Variants in GPS2 observed in about 807,000 individuals in gnomAD.
GPS2 encodes the protein G protein pathway suppressor 2.
A neutral mutation model predicts 48.1 loss-of-function variants in GPS2; 22 were observed. The ratio of observed to expected loss-of-function variants is 0.46; its 90% CI spans 0.33 to 0.65. The LOEUF is 0.65. GPS2 is among the 30% of genes least tolerant of loss of function. GPS2 has a pLI of 0.03. For synonymous variants in GPS2, 202 were observed against 142.5 expected (o/e 1.42, Z -2.98); for missense variants, 366 against 406.8 (o/e 0.90, Z 0.86).
In GPS2 at chr17:7,314,258, C is replaced by G. The variant is rs768561673; in HGVS notation, c.317+33G>C. The G allele has an allele frequency of 7.5e-6, 12 of 1,599,860 alleles. No homozygotes were observed. The East Asian group carries it at 2.2e-4, about 30-fold the overall frequency. On this transcript the variant is annotated intron_variant, in intron 4 of 10. Transcript: ENST00000380728. The stretch of plus-strand genomic sequence containing the variant: ...ACTACCTGATCCCAGTTCCACTTGG[C>G]CCCCATTTCAGTTTTTAGCACTCTG...
At position 7,314,571 on chromosome 17, in the gene GPS2, C is replaced by A. The variant is rs1247658570; in HGVS notation, c.121G>T (p.Glu41Ter). ...QEEEEVDKMM[E>*]QKMKEEQERR... is the part of the protein sequence containing the mutation. Reference sequence around the variant, plus strand: ...TCCTGTTCTTCCTTCATCTTCTGTTCCATCATCTTATCCACCTCTTCTTCC... The same window carrying A: ...TCCTGTTCTTCCTTCATCTTCTGTTACATCATCTTATCCACCTCTTCTTCC... The change falls in exon 3 of 11, where the codon GAA becomes TAA. Residue 41 changes from glutamate (E) to a stop codon, truncating the protein, a stop_gained. Transcript: ENST00000380728. LOFTEE classifies it high-confidence loss of function. 6.2e-7 allele frequency: 1 copy of A among 1,613,786 alleles called. No homozygotes were observed. Among genetic ancestry groups the A allele is most frequent in the South Asian group, 1.1e-5 (1 of 91,072 alleles).
In GPS2 at chr17:7,313,710, G is replaced by A. The variant is rs184661596; in HGVS notation, c.492C>T (p.Tyr164=). The A allele has an allele frequency of 1.2e-5, 19 of 1,614,080 alleles. No individual in the cohort carries two copies. The highest frequency in any genetic ancestry group is 4.4e-5 in the South Asian group (4 of 91,066). The change falls in exon 7 of 11, where the codon TAC becomes TAT. Residue 164 remains tyrosine, a synonymous_variant. Coordinates refer to ENST00000380728, the MANE Select transcript of GPS2 (RefSeq NM_004489.5). ...CTGCAAAAGCAGCTGCTGAGCCCAC[G>A]TAGTGCCGGGTCTAAGGAAGGAGAA... ...FGPQVLTTRH[Y]VGSAAAFAGT...
At chr17:7,314,467 A>T in intron 3 of GPS2, 21 bp downstream of exon 3, 1 of 1,614,162 alleles carries the variant, frequency 6.2e-7, no homozygotes. Context: ...CAAAGCTGGG[A>T]AAGTTCAAGG....
Position 7,313,735 on chromosome 17 carries a change from A to AT in GPS2, c.481-15dup, listed in dbSNP as rs771484691. On this transcript the variant is annotated splice_polypyrimidine_tract_variant and intron_variant, in intron 6 of 10. Coordinates refer to ENST00000380728, the MANE Select transcript of GPS2 (RefSeq NM_004489.5). ...GTAGTGCCGGGTCTAAGGAAGGAGA[A>AT]TGAGAACTCGCCTACAAACTCCTTG... 3 of 1,612,850 alleles carry AT rather than the reference A, an allele frequency of 1.9e-6. No homozygotes were observed. The highest frequency in any genetic ancestry group is 2.2e-5 in the East Asian group (1 of 44,868).
At chr17:7,314,622 AGAG>A (rs777943383) in intron 2 of GPS2, 25 bp from the exon 3 acceptor site, 7 of 1,613,926 alleles carry the variant, frequency 4.3e-6, no homozygotes, top group Non-Finnish European at 5.9e-6. Flanking sequence ...AGAATGAAGA[AGAG>A]GCAGGGTAGT....
chr17:7,313,797 C>T, intron 6 of GPS2, 76 bp from the exon 7 acceptor site: 1 of 1,574,232 alleles, frequency 6.4e-7, no homozygotes, highest in Non-Finnish European at 8.7e-7. Flanking sequence ...TATCTGTATG[C>T]CCCGTTTCCC....
At chr17:7,315,219 G>T in intron 1 of GPS2, 100 bp from the exon 2 acceptor site, 1 of 370,534 alleles carries the variant, frequency 2.7e-6, no homozygotes, top group Non-Finnish European at 4.7e-6. Context: ...CCAGGAGCCC[G>T]CCACCCGGCC....
Position 7,314,338 on chromosome 17 carries a change from G to C in GPS2, c.270C>G (p.Leu90=). 1 of 1,614,040 alleles carries C rather than the reference G, an allele frequency of 6.2e-7. No homozygotes were observed. Among genetic ancestry groups the C allele is most frequent in the South Asian group, 1.1e-5 (1 of 91,084 alleles). ...TTTCTTCCTCATGTAAAACTTTCTT[G>C]AGCTGCAGGAAAAGCTGGTGCTTCT... is the stretch of plus-strand genomic sequence containing the variant. ...QEEKHQLFLQ[L]KKVLHEEEKR... Residue 90 remains leucine, a synonymous_variant, in exon 4 of 11, where the codon CTC becomes CTG. Transcript: ENST00000380728.
At chr17:7,314,225 G>A in intron 4 of GPS2, 66 bp from the exon 5 acceptor site, 1 of 1,591,786 alleles carries the variant, frequency 6.3e-7, no homozygotes, top group South Asian at 1.1e-5. Context: ...TTAAACACTG[G>A]TTCTTTTACT....
chr17:7,314,310 G>A lies in GPS2; in HGVS notation c.298C>T (p.Arg100Trp). 6.2e-7 allele frequency: 1 copy of A among 1,614,104 alleles called. No individual in the cohort carries two copies. The highest frequency in any genetic ancestry group is 8.5e-7 in the Non-Finnish European group (1 of 1,180,022). ...LKKVLHEEEK[R>W]RRKEQSDLTT... ...TCCCACCTCTGTTCCTTTCGCCTCC[G>A]TTTTTCTTCCTCATGTAAAACTTTC... The change falls in exon 4 of 11, where the codon CGG becomes TGG. Residue 100 changes from arginine to tryptophan, a missense_variant. Coordinates refer to ENST00000380728, the MANE Select transcript of GPS2 (RefSeq NM_004489.5).
In GPS2 at chr17:7,314,398, C is replaced by G. The variant is rs534281043; in HGVS notation, c.210G>C (p.Leu70=). Residue 70 remains leucine, a synonymous_variant, in exon 4 of 11, where the codon CTG becomes CTC. Coordinates refer to ENST00000380728, the MANE Select transcript of GPS2 (RefSeq NM_004489.5). ...MSLEETKEQI[L]KLEEKLLALQ... ...GAGCCAAAAGCTTCTCCTCCAACTT[C>G]AGAATCTGGGATGGGGTGGGAAAAG... The G allele has an allele frequency of 6.8e-6, 11 of 1,614,178 alleles. 1 individual carries two copies. The Admixed American group carries it at 1.7e-4, about 24-fold the overall frequency.
intron 2 of GPS2, 126 bp from the exon 3 acceptor site, chr17:7,314,723 CTCCCCA>C (rs2072914885): frequency 6.5e-7 from 1 of 1,536,672 alleles, no homozygotes; most frequent in Admixed American, 1.8e-5. Context: ...AGGGGACAAG[CTCCCCA>C]TCGCGGCAAT....
chr17:7,313,800 C>T lies in GPS2; in HGVS notation c.481-79G>A, dbSNP rs372686575. 23 of 1,576,424 alleles carry T rather than the reference C, an allele frequency of 1.5e-5. No individual in the cohort carries two copies. The African/African-American group carries it at 1.6e-4, about 11-fold the overall frequency. ...GTGACTTGTGTGTATCTGTATGCCC[C>T]GTTTCCCCCTAAACTTAAGTGCTTG... is the stretch of plus-strand genomic sequence containing the variant. On this transcript the variant is annotated intron_variant, in intron 6 of 10. Transcript: ENST00000380728.
chr17:7,312,984 C>T, intron 10 of GPS2, 45 bp downstream of exon 10: 1 of 1,493,460 alleles, frequency 6.7e-7, no homozygotes, highest in Non-Finnish European at 9.1e-7. Context: ...TTTCCGGATC[C>T]CTAGTGTAGG....
At chr17:7,315,232 G>C (rs1341102530) in intron 1 of GPS2, 99 bp downstream of exon 1, 4 of 348,976 alleles carry the variant, frequency 1.1e-5, no homozygotes, top group Non-Finnish European at 1.5e-5. Flanking sequence ...ACCCGGCCGG[G>C]ACCGCAGCCC....
At position 7,314,309 on chromosome 17, in the gene GPS2, C is replaced by A; in HGVS notation, c.299G>T (p.Arg100Leu). ...ATCCCACCTCTGTTCCTTTCGCCTC[C>A]GTTTTTCTTCCTCATGTAAAACTTT... ...LKKVLHEEEK[R>L]RRKEQSDLTT... The change falls in exon 4 of 11, where the codon CGG (arginine) becomes CTG (leucine). Residue 100 changes from arginine to leucine, a missense_variant. Arg to Leu is a moderately radical substitution (Grantham distance 102, BLOSUM62 -2). Transcript: ENST00000380728. The A allele has an allele frequency of 6.2e-7, 1 of 1,614,154 alleles. No homozygotes were observed. The highest frequency in any genetic ancestry group is 8.5e-7 in the Non-Finnish European group (1 of 1,180,008).
At position 7,314,150 on chromosome 17, in the gene GPS2, G is replaced by A. The variant is rs1187818460; in HGVS notation, c.327C>T (p.Thr109=). 1 of 1,613,446 alleles carries A rather than the reference G, an allele frequency of 6.2e-7. No homozygotes were observed. The highest frequency in any genetic ancestry group is 8.5e-7 in the Non-Finnish European group (1 of 1,179,592). ...KRRRKEQSDL[T]TLTSAAYQQS... is the part of the protein sequence containing the mutation. ...GCTGGTATGCAGCTGATGTTAGGGT[G>A]GTCAGGTCACTGGAGTGAAAGGAAG... is the stretch of plus-strand genomic sequence containing the variant. Residue 109 remains threonine, a synonymous_variant, in exon 5 of 11, where the codon ACC becomes ACT. Transcript: ENST00000380728.
chr17:7,315,155 C>T (rs2072921746), intron 1 of GPS2, 36 bp from the exon 2 acceptor site: 1 of 768,384 alleles, frequency 1.3e-6, no homozygotes, highest in Non-Finnish European at 1.9e-6. Context: ...GGGCCGCGCC[C>T]GGCCCAGGCG....
At chr17:7,315,215 G>A in intron 1 of GPS2, 96 bp from the exon 2 acceptor site, 1 of 388,044 alleles carries the variant, frequency 2.6e-6, no homozygotes. Flanking sequence ...TGTCCCAGGA[G>A]CCCGCCACCC....
Sources: allele counts gnomAD v4.1 joint callset, GRCh38; gene constraint gnomAD v4.1.1; transcripts MANE v1.5; gene names NCBI Gene and HGNC (gene_info 2026-07-23, HGNC 2026-07-21).